Variants in FN1 observed in about 807,000 individuals in gnomAD.
The protein encoded by FN1 is fibronectin.
A neutral mutation model predicts 297.3 loss-of-function variants in FN1; 106 were observed. The observed-to-expected ratio is 0.36, with a 90% CI of 0.30 to 0.42. FN1 has a LOEUF of 0.42. FN1 is among the 10% of genes least tolerant of loss of function. The pLI is 1.00. For synonymous variants in FN1, 1,149 were observed against 1,152.6 expected, an observed-to-expected ratio of 1.00 and a Z score of 0.06; for missense variants, 2,690 against 3,124.9, an observed-to-expected ratio of 0.86 and a Z score of 3.32.
In FN1 at chr2:215,370,648, CT is replaced by C. The variant is rs1254128910; in HGVS notation, c.6715-217del. The C allele has an allele frequency of 2.0e-5, 11 of 547,440 alleles. No individual in the cohort carries two copies. In the Admixed American group the frequency reaches 3.1e-4, roughly 16 times the overall value. The allele number at this position is 547,440 out of a possible 1,614,324, so 33.9% of individuals were successfully genotyped here. A position where few individuals can be genotyped will look rare whatever the true frequency, so the allele number is the denominator to read the frequency against. On this transcript the variant is annotated intron_variant, in intron 40 of 45. Coordinates refer to ENST00000354785, the MANE Select transcript of FN1 (RefSeq NM_212482.4). ...GGGCCATCGTTCCTGCCAGATTTTC[CT>C]GCCAACAATCTACCTACGTGCTCCG... is the stretch of plus-strand genomic sequence containing the variant.
chr2:215,365,817 T>A (rs1217272336), intron 42 of FN1, 187 bp from the exon 43 acceptor site: 4 of 287,322 alleles, frequency 1.4e-5, no homozygotes, highest in East Asian at 1.5e-4. Flanking sequence ...TTTTTTTTTT[T>A]TTTTTTGAGA....
At chr2:215,399,401 T>A in intron 20 of FN1, 50 bp from the exon 21 acceptor site, 1 of 1,179,104 alleles carries the variant, frequency 8.5e-7, no homozygotes, top group Admixed American at 1.7e-5. Flanking sequence ...TCACAGATGA[T>A]TGCATAGCAT....
At chr2:215,398,438 G>T (rs892092875) in intron 21 of FN1, among the ~76,000 whole-genome samples, 1 of 152,158 alleles carries the variant, frequency 6.6e-6, no homozygotes, top group Admixed American at 6.5e-5. Context: ...TTATCCAATA[G>T]TGTTCAACTC....
At chr2:215,409,824 G>T in intron 14 of FN1, 85 bp from the exon 15 acceptor site, 1 of 1,590,764 alleles carries the variant, frequency 6.3e-7, no homozygotes, top group Non-Finnish European at 8.6e-7. Context: ...TTTAAAAAAC[G>T]TTGGTGCCCC....
chr2:215,424,550 C>G (rs1192709383), intron 7 of FN1, among the ~76,000 whole-genome samples: 1 of 152,130 alleles, frequency 6.6e-6, no homozygotes, highest in Admixed American at 6.5e-5. Context: ...TCCTTCATGA[C>G]CACTTCTGCT....
chr2:215,399,275 A>G lies in FN1; in HGVS notation c.3330T>C (p.Ala1110=). Reference sequence around the variant, plus strand: ...AGTTTACCTTAAAACCAATTCTTGGAGCAGGCGTCCATGTGATCACAATGG... The same window carrying G: ...AGTTTACCTTAAAACCAATTCTTGGGGCAGGCGTCCATGTGATCACAATGG... ...ETTIVITWTP[A]PRIGFKLGVR... is the part of the protein sequence containing the mutation. Residue 1110 remains alanine (A), a synonymous_variant, in exon 21 of 46, where the codon GCT becomes GCC. Coordinates refer to ENST00000354785, the MANE Select transcript of FN1 (RefSeq NM_212482.4). 2 of 1,613,448 alleles carry G rather than the reference A, an allele frequency of 1.2e-6. No individual in the cohort carries two copies. The highest frequency in any genetic ancestry group is 1.7e-6 in the Non-Finnish European group (2 of 1,179,392).
intron 24 of FN1, 26 bp from the exon 25 acceptor site, chr2:215,393,229 G>T: frequency 1.9e-6 from 3 of 1,608,874 alleles, no homozygotes; most frequent in South Asian, 1.1e-5. Context: ...GCAAAGGGAG[G>T]GGGAGGCAAA....
At chr2:215,362,143 T>C (rs550137802) in intron 44 of FN1, 64 bp from the exon 45 acceptor site, 6 of 1,274,054 alleles carry the variant, frequency 4.7e-6, no homozygotes, top group East Asian at 2.3e-5. Flanking sequence ...CGTAATTTAG[T>C]GTTTGAGTTA....
In FN1 at chr2:215,386,723, C is replaced by T. The variant is rs754043219; in HGVS notation, c.4578G>A (p.Glu1526=). ...VVSIVALNGR[E]ESPLLIGQQS... is the part of the protein sequence containing the mutation. Reference sequence around the variant, plus strand: ...GTTGGCCAATCAATAAGGGACTTTCCTCTCTGCCATTAAGAGCAACGATGC... The same window carrying T: ...GTTGGCCAATCAATAAGGGACTTTCTTCTCTGCCATTAAGAGCAACGATGC... The change falls in exon 28 of 46, where the codon GAG becomes GAA. Residue 1526 remains glutamate (E), a synonymous_variant. Coordinates refer to ENST00000354785, the MANE Select transcript of FN1 (RefSeq NM_212482.4). The T allele has an allele frequency of 8.1e-6, 13 of 1,613,858 alleles. No individual in the cohort carries two copies. In the South Asian group the frequency reaches 1.2e-4, roughly 15 times the overall value.
chr2:215,377,893 G>A (rs973763879), intron 35 of FN1, among the ~76,000 whole-genome samples: 14 of 152,246 alleles, frequency 9.2e-5, no homozygotes, highest in African/African-American at 2.6e-4. Context: ...ACAGTCATGC[G>A]TCAAAAAGGC....
intron 23 of FN1, among the ~76,000 whole-genome samples, chr2:215,394,994 A>G (rs549594181): frequency 3.4e-4 from 52 of 152,260 alleles, no homozygotes; most frequent in South Asian, 4.1e-4. Flanking sequence ...ACCTCCGCCA[A>G]GATCCTCACT....
chr2:215,432,998 T>C (rs1329075380), intron 3 of FN1, among the ~76,000 whole-genome samples: 1 of 152,144 alleles, frequency 6.6e-6, no homozygotes. Context: ...ATCCAGGTGA[T>C]TTAAAATGGG....
Position 215,404,579 on chromosome 2 carries a change from C to A in FN1, c.3063G>T (p.Arg1021=). The change falls in exon 20 of 46, where the codon CGG becomes CGT. Residue 1021 remains arginine (R), a synonymous_variant. Transcript: ENST00000354785. ...TCAGTCGGTATCCTGTTATCTGGGC[C>A]CGAGGTGGAGTCCATCTCACCAGGA... ...STVLVRWTPP[R]AQITGYRLTV... 6.2e-7 allele frequency: 1 copy of A among 1,613,958 alleles called. No homozygotes were observed. The highest frequency in any genetic ancestry group is 1.3e-5 in the African/African-American group (1 of 74,978).
intron 12 of FN1, among the ~76,000 whole-genome samples, chr2:215,417,692 C>G (rs139004444): frequency 5.3e-4 from 81 of 152,322 alleles, no homozygotes; most frequent in African/African-American, 1.9e-3. Context: ...AAATTCCAAT[C>G]TCTTCCCTCC....
intron 34 of FN1, among the ~76,000 whole-genome samples, 191 bp from the exon 35 acceptor site, chr2:215,378,453 A>C (rs779590194): frequency 1.3e-5 from 2 of 152,246 alleles, no homozygotes; most frequent in Non-Finnish European, 2.9e-5. Flanking sequence ...TATCAATTTT[A>C]AAATGCTCTT....
Position 215,371,938 on chromosome 2 carries a change from G to A in FN1, c.6685C>T (p.Pro2229Ser). Reference protein sequence around the residue: ...DTSEYIISCHPVGTDEEPLQF... With the variant: ...DTSEYIISCHSVGTDEEPLQF... Reference sequence around the variant, plus strand: ...AAGGGTTCTTCATCAGTGCCAACAGGATGACATGAAATGATGTACTCAGAA... The same window carrying A: ...AAGGGTTCTTCATCAGTGCCAACAGAATGACATGAAATGATGTACTCAGAA... The change falls in exon 40 of 46, where the codon CCT becomes TCT. Residue 2229 changes from proline (P) to serine (S), a missense_variant. Transcript: ENST00000354785. The A allele has an allele frequency of 6.2e-7, 1 of 1,614,114 alleles. No homozygotes were observed.
chr2:215,397,799 G>A lies in FN1; in HGVS notation c.3398C>T (p.Ser1133Leu). 5 of 1,614,190 alleles carry A rather than the reference G, an allele frequency of 3.1e-6. No homozygotes were observed. Among genetic ancestry groups the A allele is most frequent in the Non-Finnish European group, 4.2e-6 (5 of 1,180,018 alleles). The change falls in exon 22 of 46, where the codon TCA becomes TTA. Residue 1133 changes from serine (S) to leucine (L), a missense_variant. By Grantham distance (145) the Ser-to-Leu change is moderately radical (BLOSUM62 -2). This residue lies in a region of FN1 where 1,743 missense variants were observed against 1,945.2 expected (regional missense o/e 0.90). Transcript: ENST00000354785. Reference protein sequence around the residue: ...QGGEAPREVTSDSGSIVVSGL... With the variant: ...QGGEAPREVTLDSGSIVVSGL... ...GGACACAACGATGCTTCCTGAGTCT[G>A]AAGTCACTTCTCGTGGTGCCTCTCC... is the stretch of plus-strand genomic sequence containing the variant.
chr2:215,365,684 CA>C, intron 42 of FN1, 54 bp from the exon 43 acceptor site: 1 of 1,586,770 alleles, frequency 6.3e-7, no homozygotes, highest in Admixed American at 1.7e-5. Context: ...TTCTGACTCA[CA>C]AGACAGTAGG....
rs115701521 is a variant in FN1 at position 215,433,234 on chromosome 2, C to A, written c.415+90G>T. 1.8e-3 allele frequency: 2,758 copies of A among 1,527,964 alleles called. 31 individuals are homozygous for A. The African/African-American group carries it at 0.027, about 15-fold the overall frequency. The allele number at this position is 1,527,964 out of a possible 1,614,324, so 94.7% of individuals were successfully genotyped here. A position where few individuals can be genotyped will look rare whatever the true frequency, so the allele number is the denominator to read the frequency against. On this transcript the variant is annotated intron_variant, in intron 3 of 45. Coordinates refer to ENST00000354785, the MANE Select transcript of FN1 (RefSeq NM_212482.4). ...GGGCAAACCTCAAAGTTCGGAATATCCAGTCATGGATAACAGAAAATGACA... is the reference window on the plus strand; with the variant it reads ...GGGCAAACCTCAAAGTTCGGAATATACAGTCATGGATAACAGAAAATGACA...
Sources: allele counts gnomAD v4.1 joint callset (sites outside exome capture counted in the v4.1 genomes callset), GRCh38; gene constraint gnomAD v4.1.1; regional missense constraint gnomAD v4.1.1; transcripts MANE v1.5; gene names NCBI Gene and HGNC (gene_info 2026-07-23, HGNC 2026-07-21).